The following PSMA1 variants were observed in gnomAD, a reference collection of about 807,000 sequenced individuals.
The protein encoded by PSMA1 is proteasome subunit alpha type-1.
PSMA1 carries 3 observed loss-of-function variants against 38.4 expected under a neutral mutation model. The observed-to-expected ratio is 0.08, with a 90% CI of 0.04 to 0.20. The LOEUF is 0.20. PSMA1 is among the 10% of genes least tolerant of loss of function. PSMA1 has a pLI of 1.00. For synonymous variants in PSMA1, 101 were observed against 107.1 expected, an observed-to-expected ratio of 0.94 and a Z score of 0.35; for missense variants, 227 against 325.3, an observed-to-expected ratio of 0.70 and a Z score of 2.32.
At chr11:14,562,147 G>A (rs777380195) in intron 2 of PSMA1, among the ~76,000 whole-genome samples, 3 of 152,230 alleles carry the variant, frequency 2.0e-5, no homozygotes, top group African/African-American at 4.8e-5. Flanking sequence ...GCCTGAGACT[G>A]TGGGAGGTGG....
chr11:14,593,924 C>T (rs533409547), intron 2 of PSMA1, among the ~76,000 whole-genome samples: 218 of 152,336 alleles, frequency 1.4e-3, no homozygotes, highest in Non-Finnish European at 2.5e-3. Context: ...AAGCCAATTG[C>T]TCCCCTCACC....
exon 2 of PSMA1, chr11:14,611,004 G>A: frequency 6.2e-7 from 1 of 1,612,016 alleles, no homozygotes; most frequent in East Asian, 2.2e-5. Context: ...CCAGGAGACA[G>A]TCACCTAGTA....
intron 9 of PSMA1, among the ~76,000 whole-genome samples, chr11:14,507,085 T>G (rs755481744): frequency 6.6e-6 from 1 of 152,096 alleles, no homozygotes; most frequent in Non-Finnish European, 1.5e-5. Context: ...TGAGAAGTAG[T>G]GTTTGTTGTT....
chr11:14,517,905 G>C lies in PSMA1; in HGVS notation c.125C>G (p.Thr42Ser). ...GSATVGLKSK[T>S]HAVLVALKRA... ...TTTCAATGCAACCAAAACTGCATGA[G>C]TTTTTGATTTCAGACCAACTGTGGC... Residue 42 changes from threonine (T) to serine (S), a missense_variant, in exon 3 of 10, where the codon ACT becomes AGT. Coordinates refer to ENST00000396394, the MANE Select transcript of PSMA1 (RefSeq NM_002786.4). 2 of 1,607,366 alleles carry C rather than the reference G, an allele frequency of 1.2e-6. No homozygotes were observed. The highest frequency in any genetic ancestry group is 1.7e-6 in the Non-Finnish European group (2 of 1,177,802).
chr11:14,632,424 G>A (rs1391564147), intron 1 of PSMA1, among the ~76,000 whole-genome samples: 14 of 143,050 alleles, frequency 9.8e-5, no homozygotes, highest in Non-Finnish European at 1.7e-4. Context: ...CTTCACTTAT[G>A]AAGCTTAGTT....
chr11:14,573,455 T>G (rs1268151618), intron 2 of PSMA1, among the ~76,000 whole-genome samples: 1 of 152,122 alleles, frequency 6.6e-6, no homozygotes, highest in Non-Finnish European at 1.5e-5. Context: ...TTTGACAAAA[T>G]TCAACAGGCC....
chr11:14,516,582 A>G (rs1320162332), intron 4 of PSMA1, among the ~76,000 whole-genome samples: 2 of 152,224 alleles, frequency 1.3e-5, no homozygotes, highest in African/African-American at 4.8e-5. Flanking sequence ...ACATACTCAC[A>G]TAATACCTGA....
chr11:14,518,475 G>C (rs1256961664), intron 2 of PSMA1, among the ~76,000 whole-genome samples: 1 of 152,116 alleles, frequency 6.6e-6, no homozygotes, highest in Non-Finnish European at 1.5e-5. Flanking sequence ...CACATATATA[G>C]TAGGGTCACT....
At chr11:14,533,542 T>C (rs1851671214) in intron 2 of PSMA1, among the ~76,000 whole-genome samples, 2 of 152,100 alleles carry the variant, frequency 1.3e-5, no homozygotes, top group Admixed American at 1.3e-4. Flanking sequence ...ACTCAAACTA[T>C]AGGCTTCAGA....
chr11:14,564,818 GC>G (rs1473567267), intron 2 of PSMA1, among the ~76,000 whole-genome samples: 3 of 143,020 alleles, frequency 2.1e-5, no homozygotes, highest in Non-Finnish European at 3.0e-5. Flanking sequence ...CCACTCTGTT[GC>G]CCAGGCTGGA....
At chr11:14,590,572 A>G (rs1488254187) in intron 2 of PSMA1, among the ~76,000 whole-genome samples, 2 of 152,196 alleles carry the variant, frequency 1.3e-5, no homozygotes, top group Non-Finnish European at 2.9e-5. Context: ...AAAAAATACA[A>G]TGTCTTTAAG....
intron 2 of PSMA1, among the ~76,000 whole-genome samples, chr11:14,585,299 T>C (rs1254024260): frequency 2.0e-5 from 3 of 152,088 alleles, no homozygotes; most frequent in African/African-American, 7.2e-5. Context: ...TTCATCTCCA[T>C]AAAAATGAAT....
intron 1 of PSMA1, among the ~76,000 whole-genome samples, chr11:14,619,174 C>G (rs1024184262): frequency 6.6e-6 from 1 of 152,136 alleles, no homozygotes; most frequent in African/African-American, 2.4e-5. Context: ...ATAGGCTGGG[C>G]ATGGCAGCTC....
chr11:14,539,177 G>A (rs1318753973), intron 2 of PSMA1, among the ~76,000 whole-genome samples: 1 of 152,214 alleles, frequency 6.6e-6, no homozygotes, highest in Non-Finnish European at 1.5e-5. Flanking sequence ...TCTACACAGA[G>A]AGATATTCTA....
intron 8 of PSMA1, among the ~76,000 whole-genome samples, chr11:14,508,577 A>AAAAAAAAAAAAAAAAAAAAAT (rs1851288732): frequency 6.7e-6 from 1 of 149,850 alleles, no homozygotes; most frequent in Non-Finnish European, 1.5e-5. Context: ...AAAAAAAAAA[A>AAAAAAAAAAAAAAAAAAAAAT]CCCAGATTGT....
At chr11:14,627,957 G>A (rs1191371461) in intron 1 of PSMA1, among the ~76,000 whole-genome samples, 2 of 152,050 alleles carry the variant, frequency 1.3e-5, no homozygotes, top group Admixed American at 6.6e-5. Context: ...CCCCCACACT[G>A]GTACTGGTCC....
chr11:14,520,498 G>A (rs1048705031), upstream of PSMA1: 1 of 1,441,988 alleles, frequency 6.9e-7, no homozygotes, highest in African/African-American at 1.4e-5. Context: ...GCTCGGCGGC[G>A]GGCGGAGCCT....
chr11:14,597,664 T>G (rs1056152249), intron 2 of PSMA1, among the ~76,000 whole-genome samples: 4 of 152,148 alleles, frequency 2.6e-5, no homozygotes, highest in Non-Finnish European at 4.4e-5. Flanking sequence ...TAGCGGTCTA[T>G]CCTATCTATT....
chr11:14,526,267 T>C lies in PSMA1; in HGVS notation c.22-7226A>G, dbSNP rs1160751260. ...CTGATCCCATAGATCCTAAATCCTTTCCCCAGTCCTCTTTCTGTTCCTCGA... is the reference window on the plus strand; with the variant it reads ...CTGATCCCATAGATCCTAAATCCTTCCCCCAGTCCTCTTTCTGTTCCTCGA... On this transcript the variant is annotated intron_variant, in intron 2 of 10. Transcript: ENST00000418988. Among the ~76,000 whole-genome samples the C allele has an allele frequency of 2.6e-5, 4 of 152,188 alleles. No homozygotes were observed. In the East Asian group the frequency reaches 5.8e-4, roughly 22 times the overall value.
Sources: gnomAD v4.1 joint callset for allele counts (sites outside exome capture counted in the v4.1 genomes callset) on GRCh38, gnomAD v4.1.1 for gene constraint, MANE v1.5 for transcripts, NCBI Gene and HGNC (gene_info 2026-07-23, HGNC 2026-07-21) for gene names.